The following WSCD2 variants were observed in gnomAD, a reference collection of about 807,000 sequenced individuals.
The protein encoded by WSCD2 is sialate:O-sulfotransferase 2.
WSCD2 carries 28 observed loss-of-function variants against 55.7 expected under a neutral mutation model. The ratio of observed to expected loss-of-function variants is 0.50; its 90% CI spans 0.37 to 0.69. The LOEUF is 0.69. WSCD2 is among the 30% of genes least tolerant of loss of function. The pLI is 0.00. For synonymous variants in WSCD2, 301 were observed against 301.9 expected, an observed-to-expected ratio of 1.00 and a Z score of 0.03; for missense variants, 616 against 762.1, an observed-to-expected ratio of 0.81 and a Z score of 2.26.
intron 2 of WSCD2, among the ~76,000 whole-genome samples, chr12:108,205,102 G>T (rs149149914): frequency 6.6e-6 from 1 of 152,144 alleles, no homozygotes; most frequent in Non-Finnish European, 1.5e-5. Flanking sequence ...TTTCTGGGCC[G>T]CTGTTAAATC....
intron 1 of WSCD2, among the ~76,000 whole-genome samples, chr12:108,178,207 A>C (rs1881154702): frequency 6.6e-6 from 1 of 152,104 alleles, no homozygotes; most frequent in South Asian, 2.1e-4. Context: ...TCCTTGGCAT[A>C]GATGGCCCTC....
chr12:108,133,009 G>A lies in WSCD2; in HGVS notation c.-552+3083G>A, dbSNP rs896534998. On this transcript the variant is annotated intron_variant, in intron 1 of 8. Transcript: ENST00000547525. ...TCTGTGTAAACGTGTGTTTCTGAAC[G>A]TGTGTATCCGTGAATGTTAGCATGT... is the stretch of plus-strand genomic sequence containing the variant. Among the ~76,000 whole-genome samples the A allele has an allele frequency of 4.6e-5, 7 of 152,226 alleles. No individual in the cohort carries two copies. In the South Asian group the frequency reaches 8.3e-4, roughly 18 times the overall value.
chr12:108,156,917 G>C (rs1244355269), intron 1 of WSCD2, among the ~76,000 whole-genome samples: 1 of 152,164 alleles, frequency 6.6e-6, no homozygotes, highest in Non-Finnish European at 1.5e-5. Flanking sequence ...GGTATTTCTG[G>C]CACTACGTGT....
chr12:108,209,445 G>C (rs1481438524), intron 3 of WSCD2, among the ~76,000 whole-genome samples: 2 of 152,024 alleles, frequency 1.3e-5, no homozygotes, highest in Non-Finnish European at 2.9e-5. Context: ...AAGCAAGAAA[G>C]AGAGTGGGGT....
At chr12:108,179,196 G>A (rs1041033496) in intron 1 of WSCD2, among the ~76,000 whole-genome samples, 6 of 151,446 alleles carry the variant, frequency 4.0e-5, no homozygotes, top group Non-Finnish European at 5.9e-5. Flanking sequence ...TCGCCTGGAA[G>A]CCTGTTAGAA....
intron 8 of WSCD2, among the ~76,000 whole-genome samples, chr12:108,241,478 C>A (rs1480714472): frequency 6.6e-6 from 1 of 152,182 alleles, no homozygotes; most frequent in Non-Finnish European, 1.5e-5. Context: ...CTTCTTAAAT[C>A]CCCACCATAA....
Position 108,129,472 on chromosome 12 carries a change from T to TC in WSCD2, c.-1002dup, listed in dbSNP as rs1349952328. On this transcript the variant is annotated 5_prime_UTR_variant, in exon 1 of 9. Coordinates refer to ENST00000547525, the MANE Select transcript of WSCD2 (RefSeq NM_014653.4). Reference sequence around the variant, plus strand: ...CGCGCACCGGGCCCGGGCATCTCCATCCCCGGGGCGGGTGCCCGCGCGGGG... The same window carrying TC: ...CGCGCACCGGGCCCGGGCATCTCCATCCCCCGGGGCGGGTGCCCGCGCGGGG... 3 of 151,306 alleles carry TC rather than the reference T, an allele frequency of 2.0e-5. No individual in the cohort carries two copies. In the East Asian group the frequency reaches 5.9e-4, roughly 30 times the overall value. The allele number at this position is 151,306 out of a possible 1,614,324, so 9.4% of individuals were successfully genotyped here. A position where few individuals can be genotyped will look rare whatever the true frequency, so the allele number is the denominator to read the frequency against.
intron 3 of WSCD2, among the ~76,000 whole-genome samples, chr12:108,207,375 T>C (rs1376785725): frequency 6.6e-6 from 1 of 151,806 alleles, no homozygotes; most frequent in Non-Finnish European, 1.5e-5. Flanking sequence ...TATTTTTTAT[T>C]TTTTATTTTT....
At position 108,248,921 on chromosome 12, in the gene WSCD2, G is replaced by A. The variant is rs989939111; in HGVS notation, c.*578G>A. On this transcript the variant is annotated 3_prime_UTR_variant, in exon 9 of 9. Coordinates refer to ENST00000547525, the MANE Select transcript of WSCD2 (RefSeq NM_014653.4). The surrounding 1 kb of genome is among the most constrained non-coding windows in gnomAD (Gnocchi z 4.3). ...TTTCTGACATCCTGGATAGTGTGGG[G>A]AGGTAATGGTGCTCACAGTAGGTTA... 1.8e-5 allele frequency: 18 copies of A among 987,458 alleles called. No individual in the cohort carries two copies. The African/African-American group carries it at 3.0e-4, about 16-fold the overall frequency. 61.2% of individuals were successfully genotyped at this position (987,458 alleles called of 1,614,324 possible). A position where few individuals can be genotyped will look rare whatever the true frequency, so the allele number is the denominator to read the frequency against.
chr12:108,150,663 T>C (rs147567834), intron 1 of WSCD2, among the ~76,000 whole-genome samples: 1 of 152,244 alleles, frequency 6.6e-6, no homozygotes, highest in Non-Finnish European at 1.5e-5. Flanking sequence ...GACCCCGATA[T>C]GCAGTCGGTG....
intron 1 of WSCD2, among the ~76,000 whole-genome samples, chr12:108,158,362 G>T (rs1266621269): frequency 6.7e-6 from 1 of 149,106 alleles, no homozygotes; most frequent in African/African-American, 2.5e-5. Context: ...TTGGCTACAA[G>T]GTTTCATTTT....
intron 2 of WSCD2, among the ~76,000 whole-genome samples, chr12:108,203,829 C>T (rs1885003623): frequency 6.6e-6 from 1 of 152,224 alleles, no homozygotes; most frequent in Non-Finnish European, 1.5e-5. Flanking sequence ...GCATTCCTCC[C>T]CTTCAGGTCT....
chr12:108,222,179 T>C (rs1214127262), intron 4 of WSCD2, among the ~76,000 whole-genome samples: 1 of 152,168 alleles, frequency 6.6e-6, no homozygotes, highest in Non-Finnish European at 1.5e-5. Context: ...TAAATATATA[T>C]GTGTATGCTA....
intron 4 of WSCD2, among the ~76,000 whole-genome samples, chr12:108,214,674 A>C (rs1265895106): frequency 6.6e-6 from 1 of 152,236 alleles, no homozygotes; most frequent in African/African-American, 2.4e-5. Context: ...CTGAGTCCCA[A>C]GGGTGGCTGT....
At position 108,180,348 on chromosome 12, in the gene WSCD2, A is replaced by G. The variant is rs753702723; in HGVS notation, c.-551-14934A>G. On this transcript the variant is annotated intron_variant, in intron 1 of 8. Coordinates refer to ENST00000547525, the MANE Select transcript of WSCD2 (RefSeq NM_014653.4). Reference sequence around the variant, plus strand: ...ATATTTGGCTCCCACTGATTAGAATAGAGGTCTTTTCAGCCAAGGAGGGAG... The same window carrying G: ...ATATTTGGCTCCCACTGATTAGAATGGAGGTCTTTTCAGCCAAGGAGGGAG... Among the ~76,000 whole-genome samples, 80 of 152,246 alleles carry G rather than the reference A, an allele frequency of 5.3e-4. 1 individual carries two copies. The highest frequency in any genetic ancestry group is 2.1e-4 in the South Asian group (1 of 4,830).
intron 4 of WSCD2, among the ~76,000 whole-genome samples, chr12:108,211,442 C>G (rs541681527): frequency 2.5e-3 from 386 of 152,226 alleles, no homozygotes; most frequent in African/African-American, 8.8e-3. Context: ...TGCCAGGATG[C>G]TGGTCCATAG....
At chr12:108,243,579 C>G (rs559100711) in intron 8 of WSCD2, among the ~76,000 whole-genome samples, 1 of 152,256 alleles carries the variant, frequency 6.6e-6, no homozygotes, top group South Asian at 2.1e-4. Flanking sequence ...CCGATGAGCA[C>G]CCTAGTTTAA....
intron 4 of WSCD2, among the ~76,000 whole-genome samples, chr12:108,218,684 G>A (rs1887124905): frequency 6.6e-6 from 1 of 152,182 alleles, no homozygotes; most frequent in Admixed American, 6.5e-5. Flanking sequence ...GACTCCTGAG[G>A]GTGAAGGACC....
At chr12:108,178,699 C>T (rs890043101) in intron 1 of WSCD2, among the ~76,000 whole-genome samples, 6 of 152,182 alleles carry the variant, frequency 3.9e-5, no homozygotes, top group African/African-American at 1.2e-4. Context: ...AGCAACAATA[C>T]TCATAGGCTA....
Sources: allele counts gnomAD v4.1 joint callset (sites outside exome capture counted in the v4.1 genomes callset), GRCh38; gene constraint gnomAD v4.1.1; non-coding constraint Gnocchi (gnomAD v3.1); transcripts MANE v1.5; gene names NCBI Gene and HGNC (gene_info 2026-07-23, HGNC 2026-07-21).